Variants in SLC16A13 observed in about 807,000 individuals in gnomAD.
SLC16A13 encodes the protein monocarboxylate transporter 13.
In SLC16A13, 28 loss-of-function variants were observed where a neutral mutation model predicts 28.1. The ratio of observed to expected loss-of-function variants is 1.00; its 90% CI spans 0.74 to 1.37. SLC16A13 has a LOEUF of 1.37. Ranked by LOEUF, SLC16A13 falls within the 40% of genes most tolerant of loss-of-function variation. The probability of loss-of-function intolerance (pLI) is 0.00; values close to 1 mark genes in which losing one functional copy is unlikely to be tolerated. For missense variants in SLC16A13, 482 were observed against 531.8 expected, an observed-to-expected ratio of 0.91 and a Z score of 0.92; for synonymous variants, 228 against 241.6, an observed-to-expected ratio of 0.94 and a Z score of 0.52.
At position 7,039,807 on chromosome 17, in the gene SLC16A13, G is replaced by C; in HGVS notation, c.1126G>C (p.Val376Leu). 6.2e-7 allele frequency: 1 copy of C among 1,614,184 alleles called. No individual in the cohort carries two copies. The highest frequency in any genetic ancestry group is 8.5e-7 in the Non-Finnish European group (1 of 1,180,032). The change falls in exon 4 of 4, where the codon GTG becomes CTG. Residue 376 changes from valine to leucine, a missense_variant. Val to Leu is a conservative substitution (Grantham distance 32). Transcript: ENST00000308027. This position sits in a 1 kb window ranked among gnomAD's most constrained non-coding sequence, Gnocchi z 4.3. The stretch of plus-strand genomic sequence containing the variant: ...AGGCAACTACACGGCTTCTTTTGTG[G>C]TGGCTGGGGCCTTCCTTCTTTCAGG... ...VTGNYTASFV[V>L]AGAFLLSGSG... is the part of the protein sequence containing the mutation.
chr17:7,036,658 G>T lies in SLC16A13; in HGVS notation c.200-69G>T, dbSNP rs1251446567. On this transcript the variant is annotated intron_variant, in intron 1 of 3. Transcript: ENST00000308027. The stretch of plus-strand genomic sequence containing the variant: ...AATGCGGCGACTGGGAAGTGGAAGG[G>T]CGAGGGGCGGGAGATGCTGGGGGGG... The T allele has an allele frequency of 1.9e-6, 3 of 1,608,054 alleles. No homozygotes were observed. The Admixed American group carries it at 5.0e-5, about 27-fold the overall frequency.
At position 7,038,362 on chromosome 17, in the gene SLC16A13, G is replaced by A; in HGVS notation, c.554G>A (p.Cys185Tyr). The change falls in exon 3 of 4, where the codon TGT becomes TAT. Residue 185 changes from cysteine to tyrosine, a missense_variant. Cys to Tyr is a radical substitution (Grantham distance 194). Coordinates refer to ENST00000308027, the MANE Select transcript of SLC16A13 (RefSeq NM_201566.3). This position sits in a 1 kb window ranked among gnomAD's most constrained non-coding sequence, Gnocchi z 5.7. The part of the protein sequence containing the change: ...VSALSLHLVA[C>Y]GALLRPPSLA... ...GCCCTCTCCCTCCACCTAGTGGCCT[G>A]TGGTGCTCTCCTCCGCCCACCCTCC... The A allele has an allele frequency of 6.2e-7, 1 of 1,614,066 alleles. No homozygotes were observed.
chr17:7,038,036 C>T lies in SLC16A13; in HGVS notation c.344-116C>T. On this transcript the variant is annotated intron_variant, in intron 2 of 3. Coordinates refer to ENST00000308027, the MANE Select transcript of SLC16A13 (RefSeq NM_201566.3). This position sits in a 1 kb window ranked among gnomAD's most constrained non-coding sequence, Gnocchi z 5.7. ...TGAAGTATCCAAGCCAAGATTGTAT[C>T]CCAGGTCTGTGGGACTCCGAAGCAA... is the stretch of plus-strand genomic sequence containing the variant. The T allele has an allele frequency of 1.6e-6, 2 of 1,246,408 alleles. No individual in the cohort carries two copies. The highest frequency in any genetic ancestry group is 2.3e-5 in the East Asian group (1 of 42,828). The allele number at this position is 1,246,408 out of a possible 1,614,324, so 77.2% of individuals were successfully genotyped here.
chr17:7,040,017 TG>T lies in SLC16A13; in HGVS notation c.*56del. 1 of 1,522,304 alleles carries T rather than the reference TG, an allele frequency of 6.6e-7. No homozygotes were observed. The highest frequency in any genetic ancestry group is 9.0e-7 in the Non-Finnish European group (1 of 1,109,262). The allele number at this position is 1,522,304 out of a possible 1,614,324, so 94.3% of individuals were successfully genotyped here. Reference sequence around the variant, plus strand: ...AGCTTGACAGCTCCAGGTCTTCTCTTGCCACGTCTTGGTCTCCACAGAACCA... The same window carrying T: ...AGCTTGACAGCTCCAGGTCTTCTCTTCCACGTCTTGGTCTCCACAGAACCA... On this transcript the variant is annotated 3_prime_UTR_variant, in exon 4 of 4. Coordinates refer to ENST00000308027, the MANE Select transcript of SLC16A13 (RefSeq NM_201566.3).
rs1327904692 is a variant in SLC16A13, at chr17:7,038,079, T to C, written c.344-73T>C. 1 of 1,515,102 alleles carries C rather than the reference T, an allele frequency of 6.6e-7. No individual in the cohort carries two copies. The highest frequency in any genetic ancestry group is 8.9e-7 in the Non-Finnish European group (1 of 1,127,762). 93.9% of individuals were successfully genotyped at this position (1,515,102 alleles called of 1,614,324 possible). On this transcript the variant is annotated intron_variant, in intron 2 of 3. Coordinates refer to ENST00000308027, the MANE Select transcript of SLC16A13 (RefSeq NM_201566.3). The surrounding 1 kb of genome is among the most constrained non-coding windows in gnomAD (Gnocchi z 5.7). ...CGAAGCAAGTGCTACATTCTGCTGC[T>C]GGGCAATGCGGGGATTACTGTGTGC...
chr17:7,038,565 T>C lies in SLC16A13; in HGVS notation c.757T>C (p.Phe253Leu). The C allele has an allele frequency of 6.2e-7, 1 of 1,614,216 alleles. No individual in the cohort carries two copies. Among genetic ancestry groups the C allele is most frequent in the Non-Finnish European group, 8.5e-7 (1 of 1,180,036 alleles). The change falls in exon 3 of 4, where the codon TTC (phenylalanine) becomes CTC (leucine). Residue 253 changes from phenylalanine to leucine, a missense_variant. Physicochemically the swap from Phe to Leu is conservative, Grantham distance 22. Coordinates refer to ENST00000308027, the MANE Select transcript of SLC16A13 (RefSeq NM_201566.3). This position sits in a 1 kb window ranked among gnomAD's most constrained non-coding sequence, Gnocchi z 5.7. Reference protein sequence around the residue: ...DLDWDPLPAAFLLSVVAISDL... With the variant: ...DLDWDPLPAALLLSVVAISDL... ...GGATTGGGACCCACTACCTGCTGCC[T>C]TCCTACTCTCAGTTGTTGCTATTTC...
Position 7,038,861 on chromosome 17 carries a change from C to CG in SLC16A13, c.1059dup (p.Leu354AlafsTer62), listed in dbSNP as rs766711213. 1.9e-6 allele frequency: 3 copies of CG among 1,610,774 alleles called. No individual in the cohort carries two copies. Among genetic ancestry groups the CG allele is most frequent in the East Asian group, 2.2e-5 (1 of 44,872 alleles). On this transcript the variant is annotated frameshift_variant, in exon 3 of 4. Transcript: ENST00000308027. LOFTEE classifies it high-confidence loss of function. The surrounding 1 kb of genome is among the most constrained non-coding windows in gnomAD (Gnocchi z 5.7). ...GACTGTTGCAGATGATAGAGAGCATCGGGGGGCTGCTGGGGCCTCCTCTCT... is the reference window on the plus strand; with the variant it reads ...GACTGTTGCAGATGATAGAGAGCATCGGGGGGGCTGCTGGGGCCTCCTCTCT...
At chr17:7,037,542 C>T (rs1452040937) in intron 2 of SLC16A13, among the ~76,000 whole-genome samples, 3 of 151,602 alleles carry the variant, frequency 2.0e-5, no homozygotes, top group East Asian at 2.0e-4. Flanking sequence ...CTGGCTAACA[C>T]GGTGAAATCA....
Position 7,039,402 on chromosome 17 carries a change from G to A in SLC16A13, c.1082-361G>A, listed in dbSNP as rs1910663644. ...ATGAACCCGGGAGGCGGAGCTTGCA[G>A]TGAGCTGAGATCGCGCCACTGCACT... On this transcript the variant is annotated intron_variant, in intron 3 of 3. Transcript: ENST00000308027. This position sits in a 1 kb window ranked among gnomAD's most constrained non-coding sequence, Gnocchi z 4.3. Among the ~76,000 whole-genome samples, 1 of 151,784 alleles carries A rather than the reference G, an allele frequency of 6.6e-6. No individual in the cohort carries two copies. Among genetic ancestry groups the A allele is most frequent in the Admixed American group, 6.6e-5 (1 of 15,240 alleles).
In SLC16A13 at chr17:7,036,100, C is replaced by G; in HGVS notation, c.-283C>G. On this transcript the variant is annotated 5_prime_UTR_variant, in exon 1 of 4. It adds an upstream start codon to the 5' untranslated region. Transcript: ENST00000308027. ...AGCCGAACACCGAACCGGGACCGATCCGGCCCCGGCTTGAACTAGCTCAGC... is the reference window on the plus strand; with the variant it reads ...AGCCGAACACCGAACCGGGACCGATGCGGCCCCGGCTTGAACTAGCTCAGC... The G allele has an allele frequency of 2.7e-6, 1 of 365,596 alleles. No individual in the cohort carries two copies. The highest frequency in any genetic ancestry group is 4.3e-5 in the Admixed American group (1 of 23,320). The allele number at this position is 365,596 out of a possible 1,614,324, so 22.6% of individuals were successfully genotyped here. A position where few individuals can be genotyped will look rare whatever the true frequency, so the allele number is the denominator to read the frequency against.
intron 1 of SLC16A13, 66 bp downstream of exon 1, chr17:7,036,647 G>T: frequency 6.2e-7 from 1 of 1,609,024 alleles, no homozygotes; most frequent in Non-Finnish European, 8.5e-7. Flanking sequence ...CGGCGACTGG[G>T]AAGTGGAAGG....
In SLC16A13 at chr17:7,039,181, A is replaced by C. The variant is rs1567732958; in HGVS notation, c.1081+292A>C. On this transcript the variant is annotated intron_variant, in intron 3 of 3. Coordinates refer to ENST00000308027, the MANE Select transcript of SLC16A13 (RefSeq NM_201566.3). The surrounding 1 kb of genome is among the most constrained non-coding windows in gnomAD (Gnocchi z 4.3). Reference sequence around the variant, plus strand: ...TGGCCAGACACAGACGTAGCATTCCAGTGTGCACCCTTTCCTTTGGCCTAC... The same window carrying C: ...TGGCCAGACACAGACGTAGCATTCCCGTGTGCACCCTTTCCTTTGGCCTAC... Among the ~76,000 whole-genome samples the C allele has an allele frequency of 6.6e-6, 1 of 152,196 alleles. No individual in the cohort carries two copies. Among genetic ancestry groups the C allele is most frequent in the South Asian group, 2.1e-4 (1 of 4,836 alleles).
In SLC16A13 at chr17:7,036,152, G is replaced by A; in HGVS notation, c.-231G>A. The A allele has an allele frequency of 2.1e-6, 1 of 481,354 alleles. No individual in the cohort carries two copies. Among genetic ancestry groups the A allele is most frequent in the Non-Finnish European group, 3.7e-6 (1 of 272,680 alleles). The allele number at this position is 481,354 out of a possible 1,614,324, so 29.8% of individuals were successfully genotyped here. A position where few individuals can be genotyped will look rare whatever the true frequency, so the allele number is the denominator to read the frequency against. ...CCGAGCTCGCGGAACCACGCCCCCG[G>A]GAGACTCTGGCCCGGCCAGCGCGGG... is the stretch of plus-strand genomic sequence containing the variant. On this transcript the variant is annotated 5_prime_UTR_variant, in exon 1 of 4. Transcript: ENST00000308027.
Position 7,036,492 on chromosome 17 carries a change from T to C in SLC16A13, c.110T>C (p.Phe37Ser). 1.2e-6 allele frequency: 2 copies of C among 1,612,474 alleles called. No individual in the cohort carries two copies. The highest frequency in any genetic ancestry group is 1.7e-6 in the Non-Finnish European group (2 of 1,180,026). The change falls in exon 1 of 4, where the codon TTC becomes TCC. Residue 37 changes from phenylalanine to serine, a missense_variant. By Grantham distance (155) the Phe-to-Ser change is radical. Transcript: ENST00000308027. ...VFGVLRSFGV[F>S]FVEFVAAFEE... ...GGGGTGCTCCGCTCCTTTGGGGTCT[T>C]CTTCGTGGAGTTTGTGGCGGCGTTT...
At position 7,040,037 on chromosome 17, in the gene SLC16A13, A is replaced by G; in HGVS notation, c.*75A>G. ...TCTCTTGCCACGTCTTGGTCTCCAC[A>G]GAACCACAGTGCCTTAAGATTCTTG... On this transcript the variant is annotated 3_prime_UTR_variant, in exon 4 of 4. Coordinates refer to ENST00000308027, the MANE Select transcript of SLC16A13 (RefSeq NM_201566.3). 1 of 1,361,958 alleles carries G rather than the reference A, an allele frequency of 7.3e-7. No individual in the cohort carries two copies. The highest frequency in any genetic ancestry group is 1.0e-6 in the Non-Finnish European group (1 of 974,202). The allele number at this position is 1,361,958 out of a possible 1,614,324, so 84.4% of individuals were successfully genotyped here.
rs193236304 is a variant in SLC16A13, at chr17:7,039,601, G to A, written c.1082-162G>A. Among the ~76,000 whole-genome samples, 273 of 152,268 alleles carry A rather than the reference G, an allele frequency of 1.8e-3. No homozygotes were observed. Among genetic ancestry groups the A allele is most frequent in the African/African-American group, 6.3e-3 (260 of 41,552 alleles). ...GGAGGTGGTTGAAATTAACTTTTGA[G>A]GCCCTTTTGGGAAACCAGAGTTCTT... is the stretch of plus-strand genomic sequence containing the variant. On this transcript the variant is annotated intron_variant, in intron 3 of 3. Coordinates refer to ENST00000308027, the MANE Select transcript of SLC16A13 (RefSeq NM_201566.3). This position sits in a 1 kb window ranked among gnomAD's most constrained non-coding sequence, Gnocchi z 4.3.
In SLC16A13 at chr17:7,036,338, G is replaced by C; in HGVS notation, c.-45G>C. On this transcript the variant is annotated 5_prime_UTR_variant, in exon 1 of 4. Coordinates refer to ENST00000308027, the MANE Select transcript of SLC16A13 (RefSeq NM_201566.3). ...GCAGAGGTGCGGCGTCCAGAACCCG[G>C]CTCCTGCAGAGGCTCTGGGTGGCAG... 6.4e-7 allele frequency: 1 copy of C among 1,558,484 alleles called. No individual in the cohort carries two copies. Among genetic ancestry groups the C allele is most frequent in the Non-Finnish European group, 8.7e-7 (1 of 1,152,830 alleles).
chr17:7,036,676 T>TG (rs755660929), intron 1 of SLC16A13, 51 bp from the exon 2 acceptor site: 29 of 1,606,550 alleles, frequency 1.8e-5, no homozygotes, highest in East Asian at 4.5e-5. Context: ...CGGGAGATGC[T>TG]GGGGGGGAGA....
Position 7,039,859 on chromosome 17 carries a change from A to T in SLC16A13, c.1178A>T (p.His393Leu). Residue 393 changes from histidine to leucine, a missense_variant, in exon 4 of 4, where the codon CAC becomes CTC. Transcript: ENST00000308027. The surrounding 1 kb of genome is among the most constrained non-coding windows in gnomAD (Gnocchi z 4.3). ...AGTGGCATTCTCCTCACCCTGCCCC[A>T]CTTCTTCTGCTTCTCAACTACTACC... ...SGSGILLTLP[H>L]FFCFSTTTSG... 1 of 1,613,706 alleles carries T rather than the reference A, an allele frequency of 6.2e-7. No homozygotes were observed. Among genetic ancestry groups the T allele is most frequent in the East Asian group, 2.2e-5 (1 of 44,858 alleles).
Sources: allele counts gnomAD v4.1 joint callset (sites outside exome capture counted in the v4.1 genomes callset), GRCh38; gene constraint gnomAD v4.1.1; non-coding constraint Gnocchi (gnomAD v3.1); transcripts MANE v1.5; gene names NCBI Gene and HGNC (gene_info 2026-07-23, HGNC 2026-07-21).